Variants in PTPN3 observed in about 807,000 individuals in gnomAD.
The protein encoded by PTPN3 is tyrosine-protein phosphatase non-receptor type 3.
A neutral mutation model predicts 132.7 loss-of-function variants in PTPN3; 96 were observed. That is an observed-to-expected ratio of 0.72 (90% confidence interval 0.61 to 0.86). The LOEUF (loss-of-function observed/expected upper bound fraction) is 0.86. PTPN3 is among the 40% of genes least tolerant of loss of function. The probability of loss-of-function intolerance (pLI) is 0.00; values close to 1 mark genes in which losing one functional copy is unlikely to be tolerated. For synonymous variants in PTPN3, 398 were observed against 429.0 expected (o/e 0.93, Z 0.89); for missense variants, 1,125 against 1,159.6 (o/e 0.97, Z 0.43).
intron 14 of PTPN3, among the ~76,000 whole-genome samples, chr9:109,413,498 T>A (rs184363782): frequency 6.6e-6 from 1 of 152,200 alleles, no homozygotes; most frequent in Non-Finnish European, 1.5e-5. Context: ...AAAGCCCTAG[T>A]GCCTCCTCTG....
chr9:109,481,085 TAC>T (rs1322388546), intron 1 of PTPN3, among the ~76,000 whole-genome samples: 2 of 152,206 alleles, frequency 1.3e-5, no homozygotes, highest in Admixed American at 1.3e-4. Flanking sequence ...CAACGGCATT[TAC>T]ACACTCCTAA....
intron 14 of PTPN3, chr9:109,417,803 G>T: frequency 1.0e-6 from 1 of 984,060 alleles, no homozygotes; most frequent in African/African-American, 1.7e-5. Flanking sequence ...CCACAAGGAA[G>T]CCTGCCTTTG....
At chr9:109,401,852 A>G (rs1485211969) in intron 19 of PTPN3, among the ~76,000 whole-genome samples, 2 of 152,030 alleles carry the variant, frequency 1.3e-5, no homozygotes, top group East Asian at 1.9e-4. Flanking sequence ...TCACCCCTTT[A>G]TTAATCCCAC....
chr9:109,430,752 A>G (rs1361262932), intron 10 of PTPN3, among the ~76,000 whole-genome samples: 1 of 152,194 alleles, frequency 6.6e-6, no homozygotes, highest in Admixed American at 6.5e-5. Flanking sequence ...AAGAGCACTA[A>G]GAACTGAGCC....
At chr9:109,491,527 T>A (rs1240577976) in intron 1 of PTPN3, among the ~76,000 whole-genome samples, 1 of 151,972 alleles carries the variant, frequency 6.6e-6, no homozygotes, top group African/African-American at 2.4e-5. Flanking sequence ...GAAAAAAAAA[T>A]AAAACTTAGA....
chr9:109,479,628 G>T (rs946207279), intron 1 of PTPN3, among the ~76,000 whole-genome samples: 20 of 152,270 alleles, frequency 1.3e-4, no homozygotes, highest in Middle Eastern at 3.4e-3. Flanking sequence ...CCAGGCTGGA[G>T]TGCAAAGGCA....
the PTPN3 span, among the ~76,000 whole-genome samples, chr9:109,505,437 T>C: frequency 6.6e-6 from 1 of 152,056 alleles, no homozygotes; most frequent in African/African-American, 2.4e-5. Flanking sequence ...CACACCTGGC[T>C]AATTTTTTTT....
chr9:109,392,713 C>T (rs1433340459), intron 19 of PTPN3: 2 of 152,056 alleles, frequency 1.3e-5, no homozygotes, highest in African/African-American at 2.4e-5. Context: ...AAGCGATTCT[C>T]GTGCCTCAGC....
chr9:109,419,388 T>G (rs1842741644), intron 14 of PTPN3, among the ~76,000 whole-genome samples: 1 of 152,238 alleles, frequency 6.6e-6, no homozygotes, highest in Non-Finnish European at 1.5e-5. Flanking sequence ...TTAACTAACG[T>G]GCCTGCTTGC....
chr9:109,431,438 G>A (rs758794575), intron 10 of PTPN3, among the ~76,000 whole-genome samples: 40 of 152,198 alleles, frequency 2.6e-4, no homozygotes, highest in African/African-American at 7.2e-4. Context: ...AAAATGAGCC[G>A]TATGCCCATT....
At chr9:109,533,781 G>C in the PTPN3 span, 1 of 1,223,922 alleles carries the variant, frequency 8.2e-7, no homozygotes, top group Non-Finnish European at 1.2e-6. Context: ...GGCCGGCGTG[G>C]TTGAGCCTGG....
In PTPN3 at chr9:109,420,511, G is replaced by A. The variant is rs770235117; in HGVS notation, c.1226C>T (p.Thr409Met). The A allele has an allele frequency of 5.0e-6, 8 of 1,613,276 alleles. No individual in the cohort carries two copies. The highest frequency in any genetic ancestry group is 1.7e-5 in the Admixed American group (1 of 59,996). Residue 409 changes from threonine to methionine, a missense_variant, in exon 14 of 26, where the codon ACG (threonine) becomes ATG (methionine). Thr to Met is a moderately conservative substitution (Grantham distance 81, BLOSUM62 -1). Coordinates refer to ENST00000374541, the MANE Select transcript of PTPN3 (RefSeq NM_002829.4). Reference sequence around the variant, plus strand: ...CTTGTACGTGTAAAATACATCTTCCGTTTCCGTGATGTAGGTCATTTCATT... The same window carrying A: ...CTTGTACGTGTAAAATACATCTTCCATTTCCGTGATGTAGGTCATTTCATT... ...LANEMTYITE[T>M]EDVFYTYKGS...
chr9:109,391,252 C>T (rs1840062996), intron 20 of PTPN3, 53 bp from the exon 21 acceptor site: 1 of 1,533,188 alleles, frequency 6.5e-7, no homozygotes, highest in African/African-American at 1.4e-5. Flanking sequence ...TTTTATCATA[C>T]CAAGTAAACC....
chr9:109,454,925 C>T (rs753145034), intron 4 of PTPN3, among the ~76,000 whole-genome samples: 7 of 152,152 alleles, frequency 4.6e-5, no homozygotes, highest in Non-Finnish European at 7.3e-5. Context: ...TAATAGCCTG[C>T]GTTTGTGTAG....
chr9:109,390,408 A>C (rs1839965443), intron 21 of PTPN3, among the ~76,000 whole-genome samples: 1 of 152,192 alleles, frequency 6.6e-6, no homozygotes, highest in Admixed American at 6.5e-5. Context: ...AAGTGGTTAC[A>C]TTTCAAATGC....
chr9:109,509,884 G>A, the PTPN3 span, among the ~76,000 whole-genome samples: 14 of 152,130 alleles, frequency 9.2e-5, 1 homozygote, highest in Admixed American at 2.0e-4. Flanking sequence ...CCATGGTTTG[G>A]ATAAAGAGGT....
At chr9:109,489,832 GC>G (rs969604291) in intron 1 of PTPN3, among the ~76,000 whole-genome samples, 2 of 151,898 alleles carry the variant, frequency 1.3e-5, no homozygotes, top group Non-Finnish European at 2.9e-5. Context: ...TTTGGGGAAA[GC>G]TTTGTTATAA....
chr9:109,402,831 G>T (rs1841256492), intron 19 of PTPN3, among the ~76,000 whole-genome samples: 1 of 152,096 alleles, frequency 6.6e-6, no homozygotes, highest in African/African-American at 2.4e-5. Flanking sequence ...AGCACTTTGG[G>T]GGGCTGAGGC....
chr9:109,505,850 T>C, the PTPN3 span, among the ~76,000 whole-genome samples: 2 of 151,376 alleles, frequency 1.3e-5, no homozygotes, highest in Non-Finnish European at 3.0e-5. Context: ...CCCGGGTTCA[T>C]GCCATTCTTC....
Sources: gnomAD v4.1 joint callset for allele counts (sites outside exome capture counted in the v4.1 genomes callset) on GRCh38, gnomAD v4.1.1 for gene constraint, MANE v1.5 for transcripts, NCBI Gene and HGNC (gene_info 2026-07-23, HGNC 2026-07-21) for gene names.